The following KCNQ4 variants were observed in gnomAD, a reference collection of about 807,000 sequenced individuals.
The protein encoded by KCNQ4 is potassium voltage-gated channel subfamily Q member 4.
In KCNQ4, 31 loss-of-function variants were observed where a neutral mutation model predicts 72.6. That is an observed-to-expected ratio of 0.43 (90% CI 0.32 to 0.58). The LOEUF (loss-of-function observed/expected upper bound fraction) is 0.58, where lower values mean the gene tolerates loss of function less well. Among genes scored for constraint, KCNQ4 ranks in the 20% least tolerant of loss-of-function variants. The pLI, the probability that KCNQ4 is intolerant of heterozygous loss-of-function variation, is 0.08. For synonymous variants in KCNQ4, 405 were observed against 403.7 expected, an observed-to-expected ratio of 1.00 and a Z score of -0.04; for missense variants, 869 against 962.6, an observed-to-expected ratio of 0.90 and a Z score of 1.29.
intron 8 of KCNQ4, 100 bp downstream of exon 8, chr1:40,822,502 T>C: frequency 1.0e-6 from 1 of 979,492 alleles, no homozygotes; most frequent in Non-Finnish European, 1.6e-6. Context: ...AAGGGGGTGA[T>C]GGCTCCCAGG....
At chr1:40,805,943 G>A (rs960638345) in intron 1 of KCNQ4, among the ~76,000 whole-genome samples, 2 of 152,012 alleles carry the variant, frequency 1.3e-5, no homozygotes, top group Admixed American at 6.5e-5. Context: ...CTGGGTTCAC[G>A]CCATTCTTCT....
chr1:40,838,194 T>A (rs1028599793), intron 13 of KCNQ4, 117 bp from the exon 14 acceptor site: 7 of 884,080 alleles, frequency 7.9e-6, no homozygotes, highest in Non-Finnish European at 1.1e-5. Flanking sequence ...GATTTGTGCT[T>A]CCCAGATAAG....
Position 40,784,991 on chromosome 1 carries a change from T to G in KCNQ4, c.314+584T>G, listed in dbSNP as rs1297527770. 6.6e-6 allele frequency among the ~76,000 whole-genome samples: 1 copy of G among 152,198 alleles called. No individual in the cohort carries two copies. Among genetic ancestry groups the G allele is most frequent in the Non-Finnish European group, 1.5e-5 (1 of 68,040 alleles). ...CGCATATGCTGTGTCCGACTTGATC[T>G]GTGTCTTCGCTCAGTCTTCCCCTCC... On this transcript the variant is annotated intron_variant, in intron 1 of 13. Transcript: ENST00000347132. The surrounding 1 kb of genome is among the most constrained non-coding windows in gnomAD (Gnocchi z 4.1).
intron 12 of KCNQ4, among the ~76,000 whole-genome samples, chr1:40,836,153 T>C (rs1416658891): frequency 6.6e-6 from 1 of 152,180 alleles, no homozygotes; most frequent in East Asian, 1.9e-4. Context: ...GCTTCAGACT[T>C]CCACGCATGA....
Position 40,788,481 on chromosome 1 carries a change from T to A in KCNQ4, c.314+4074T>A, listed in dbSNP as rs1436323056. Among the ~76,000 whole-genome samples the A allele has an allele frequency of 1.3e-5, 2 of 152,186 alleles. No individual in the cohort carries two copies. The highest frequency in any genetic ancestry group is 1.5e-5 in the Non-Finnish European group (1 of 68,034). Reference sequence around the variant, plus strand: ...CTATGCACAGGGCACCCTGCTGAGCTCTCTCTAAACCGGTCTCATTGTGTC... The same window carrying A: ...CTATGCACAGGGCACCCTGCTGAGCACTCTCTAAACCGGTCTCATTGTGTC... On this transcript the variant is annotated intron_variant, in intron 1 of 13. Transcript: ENST00000347132. This position sits in a 1 kb window ranked among gnomAD's most constrained non-coding sequence, Gnocchi z 4.5.
chr1:40,787,766 G>T (rs1647218012), intron 1 of KCNQ4, among the ~76,000 whole-genome samples: 1 of 152,168 alleles, frequency 6.6e-6, no homozygotes, highest in South Asian at 2.1e-4. Flanking sequence ...TGAATTTTAA[G>T]AAATACCACC....
Position 40,831,198 on chromosome 1 carries a change from G to A in KCNQ4, c.1407G>A (p.Gln469=). Residue 469 remains glutamine (Q), a synonymous_variant, in exon 10 of 14, where the codon CAG becomes CAA. Coordinates refer to ENST00000347132, the MANE Select transcript of KCNQ4 (RefSeq NM_004700.4). The stretch of plus-strand genomic sequence containing the variant: ...TGCCCACCTCCCCAAGCAGCGAGCA[G>A]GTGGGTGAGGCCACCAGCCCCACCA... ...PTMPTSPSSE[Q]VGEATSPTKV... is the part of the protein sequence containing the mutation. 6.2e-7 allele frequency: 1 copy of A among 1,610,626 alleles called. No homozygotes were observed. The highest frequency in any genetic ancestry group is 1.1e-5 in the South Asian group (1 of 90,298).
chr1:40,825,295 T>C (rs1360491706), intron 9 of KCNQ4, among the ~76,000 whole-genome samples: 1 of 152,170 alleles, frequency 6.6e-6, no homozygotes, highest in African/African-American at 2.4e-5. Flanking sequence ...AGCCGCCCAG[T>C]GATCAGCAGG....
At chr1:40,790,362 C>T (rs1220038062) in intron 1 of KCNQ4, among the ~76,000 whole-genome samples, 1 of 152,204 alleles carries the variant, frequency 6.6e-6, no homozygotes, top group Non-Finnish European at 1.5e-5. Flanking sequence ...TCATTCTTCT[C>T]CTCCGGGGAG....
chr1:40,834,635 AC>A (rs1314443840), intron 11 of KCNQ4, among the ~76,000 whole-genome samples: 2 of 150,294 alleles, frequency 1.3e-5, no homozygotes, highest in Non-Finnish European at 3.0e-5. Context: ...TGCCTGCCCC[AC>A]AATGTCCCAT....
At chr1:40,837,596 A>C in intron 12 of KCNQ4, 69 bp from the exon 13 acceptor site, 3 of 1,561,828 alleles carry the variant, frequency 1.9e-6, no homozygotes, top group Non-Finnish European at 1.7e-6. Context: ...TTCATCAGGC[A>C]ACCTATAATT....
rs729590 is a variant in KCNQ4 at position 40,835,280 on chromosome 1, C to A, written c.1745+182C>A. On this transcript the variant is annotated intron_variant, in intron 12 of 13. Coordinates refer to ENST00000347132, the MANE Select transcript of KCNQ4 (RefSeq NM_004700.4). The stretch of plus-strand genomic sequence containing the variant: ...GCCAGACCCAGCACCCGTCCCAAGG[C>A]TGAGAAACAACCCAACCATAGTTTC... Among the ~76,000 whole-genome samples the A allele has an allele frequency of 0.14, 21,633 of 152,244 alleles. 1,714 individuals are homozygous for A. The highest frequency in any genetic ancestry group is 0.25 in the Admixed American group (3,748 of 15,296).
Position 40,818,674 on chromosome 1 carries a change from T to A in KCNQ4, c.702T>A (p.His234Gln). 1 of 1,601,306 alleles carries A rather than the reference T, an allele frequency of 6.2e-7. No individual in the cohort carries two copies. Among genetic ancestry groups the A allele is most frequent in the Non-Finnish European group, 8.5e-7 (1 of 1,177,336 alleles). Residue 234 changes from histidine (H) to glutamine (Q), a missense_variant, in exon 4 of 14, where the codon CAT becomes CAA. By Grantham distance (24) the His-to-Gln change is conservative. Around this residue, in one of 5 missense-constraint regions of KCNQ4, gnomAD observed 179 missense variants for 243.0 expected, o/e 0.74. Transcript: ENST00000347132. ...TGCTGGGCTCAGTGGTCTACGCGCA[T>A]AGCAAGGTGAGGCCTGCAAGCCGCG... ...WKLLGSVVYAHSKELITAWYI... is the reference protein window; with the variant it reads ...WKLLGSVVYAQSKELITAWYI...
Position 40,784,195 on chromosome 1 carries a change from C to A in KCNQ4, c.102C>A (p.Gly34=). 9.0e-7 allele frequency: 1 copy of A among 1,116,496 alleles called. No individual in the cohort carries two copies. Among genetic ancestry groups the A allele is most frequent in the Non-Finnish European group, 1.1e-6 (1 of 916,968 alleles). The allele number at this position is 1,116,496 out of a possible 1,614,324, so 69.2% of individuals were successfully genotyped here. ...TCACGGCCGTGCAGAGCGAACAGGG[C>A]GAGGCGGGCGGGGGCGGCTCCCCGC... ...VALTAVQSEQ[G]EAGGGGSPRR... is the part of the protein sequence containing the mutation. Residue 34 remains glycine, a synonymous_variant, in exon 1 of 14, where the codon GGC becomes GGA. Coordinates refer to ENST00000347132, the MANE Select transcript of KCNQ4 (RefSeq NM_004700.4). The surrounding 1 kb of genome is among the most constrained non-coding windows in gnomAD (Gnocchi z 4.1).
intron 1 of KCNQ4, among the ~76,000 whole-genome samples, chr1:40,802,282 T>A (rs1284634614): frequency 6.6e-6 from 1 of 151,320 alleles, no homozygotes; most frequent in Non-Finnish European, 1.5e-5. Flanking sequence ...GCGTCCCCCC[T>A]CTCCGCCCCT....
intron 5 of KCNQ4, 94 bp from the exon 6 acceptor site, chr1:40,819,781 T>A: frequency 9.4e-7 from 1 of 1,058,910 alleles, no homozygotes; most frequent in South Asian, 1.3e-5. Flanking sequence ...AGGGGCCCCT[T>A]CCCTCATGAT....
At chr1:40,796,586 A>G (rs1647417183) in intron 1 of KCNQ4, among the ~76,000 whole-genome samples, 1 of 151,996 alleles carries the variant, frequency 6.6e-6, no homozygotes, top group South Asian at 2.1e-4. Flanking sequence ...GCCTGCTTCT[A>G]ATGGGGGGTG....
Position 40,838,793 on chromosome 1 carries a change from CT to C in KCNQ4, c.*271del. On this transcript the variant is annotated 3_prime_UTR_variant, in exon 14 of 14. Coordinates refer to ENST00000347132, the MANE Select transcript of KCNQ4 (RefSeq NM_004700.4). ...TCTGGGCCCCCCAGTGCCCTGCCCA[CT>C]CCATCAAGGCCCTATGTGGCCCACC... The C allele has an allele frequency of 1.8e-6, 1 of 560,684 alleles. No homozygotes were observed. 34.7% of individuals were successfully genotyped at this position (560,684 alleles called of 1,614,324 possible).
At chr1:40,800,302 C>G (rs1647536490) in intron 1 of KCNQ4, among the ~76,000 whole-genome samples, 1 of 152,128 alleles carries the variant, frequency 6.6e-6, no homozygotes, top group South Asian at 2.1e-4. Context: ...GCTGGCTGTC[C>G]CTTCCCTGCT....
Sources: gnomAD v4.1 joint callset for allele counts (sites outside exome capture counted in the v4.1 genomes callset) on GRCh38, gnomAD v4.1.1 for gene constraint, gnomAD v4.1.1 regional missense constraint, Gnocchi (gnomAD v3.1) non-coding constraint, MANE v1.5 for transcripts, NCBI Gene and HGNC (gene_info 2026-07-23, HGNC 2026-07-21) for gene names.